Variants in FGF12 observed in about 807,000 individuals in gnomAD.
The protein encoded by FGF12 is fibroblast growth factor 12B.
A neutral mutation model predicts 23.6 loss-of-function variants in FGF12; 14 were observed. The ratio of observed to expected loss-of-function variants is 0.59; its 90% CI spans 0.39 to 0.93. The LOEUF is 0.93. Among genes scored for constraint, FGF12 ranks in the 40% least tolerant of loss-of-function variants. The pLI, the probability that FGF12 is intolerant of heterozygous loss-of-function variation, is 0.00. For synonymous variants in FGF12, 62 were observed against 77.3 expected (o/e 0.80, Z 1.04); for missense variants, 175 against 217.8 (o/e 0.80, Z 1.24).
intron 2 of FGF12, among the ~76,000 whole-genome samples, chr3:192,476,330 G>T (rs1723322977): frequency 6.6e-6 from 1 of 152,088 alleles, no homozygotes; most frequent in African/African-American, 2.4e-5. Context: ...AAAAAAAAAT[G>T]AAGCCCAGAG....
intron 2 of FGF12, among the ~76,000 whole-genome samples, chr3:192,675,116 G>C (rs892969496): frequency 9.2e-5 from 14 of 152,200 alleles, no homozygotes; most frequent in African/African-American, 3.4e-4. Context: ...CTTAGGGATA[G>C]AGTAAGTGGT....
At chr3:192,155,158 C>G (rs963929727) in intron 5 of FGF12, among the ~76,000 whole-genome samples, 6 of 151,932 alleles carry the variant, frequency 3.9e-5, no homozygotes, top group Non-Finnish European at 1.5e-5. Flanking sequence ...GGCAATGCCT[C>G]GCCCTGCTTC....
chr3:192,573,490 G>C (rs1402488370), intron 2 of FGF12, among the ~76,000 whole-genome samples: 1 of 152,090 alleles, frequency 6.6e-6, no homozygotes, highest in Non-Finnish European at 1.5e-5. Flanking sequence ...CCCTGATTAA[G>C]ACAGAAATTC....
At chr3:192,419,453 A>G (rs533028796) in intron 2 of FGF12, among the ~76,000 whole-genome samples, 5 of 152,216 alleles carry the variant, frequency 3.3e-5, no homozygotes, top group African/African-American at 7.2e-5. Context: ...GTAGAGGCAA[A>G]CTTGGATGCC....
chr3:192,256,976 C>T (rs887074515), intron 4 of FGF12, among the ~76,000 whole-genome samples: 1 of 152,142 alleles, frequency 6.6e-6, no homozygotes, highest in Non-Finnish European at 1.5e-5. Flanking sequence ...GAAAACCTCA[C>T]CCTTCAGTAA....
chr3:192,400,621 C>T (rs141455658), intron 2 of FGF12, among the ~76,000 whole-genome samples: 4 of 152,178 alleles, frequency 2.6e-5, no homozygotes, highest in African/African-American at 7.2e-5. Context: ...CCTGCCTCAG[C>T]CTTCCAAAAT....
intron 2 of FGF12, among the ~76,000 whole-genome samples, chr3:192,376,055 C>T (rs984652446): frequency 6.6e-6 from 1 of 152,054 alleles, no homozygotes. Context: ...TGGGGTTCTG[C>T]AAATTCTCTA....
intron 2 of FGF12, among the ~76,000 whole-genome samples, chr3:192,696,318 T>G (rs539277877): frequency 2.6e-4 from 39 of 152,226 alleles, no homozygotes; most frequent in Admixed American, 2.6e-3. Flanking sequence ...TCTGAGCAAG[T>G]GACTGATGCT....
At chr3:192,461,917 G>C (rs1722876190) in intron 2 of FGF12, among the ~76,000 whole-genome samples, 1 of 151,928 alleles carries the variant, frequency 6.6e-6, no homozygotes. Context: ...TTGAACCCGG[G>C]AGGTGGAGGT....
intron 2 of FGF12, among the ~76,000 whole-genome samples, chr3:192,481,709 C>A (rs1383417405): frequency 6.6e-6 from 1 of 152,136 alleles, no homozygotes; most frequent in East Asian, 1.9e-4. Flanking sequence ...AAATCTAGTT[C>A]TTGATGAAAG....
At position 192,142,416 on chromosome 3, in the gene FGF12, T is replaced by G. The variant is rs1230905935; in HGVS notation, c.*1593A>C. 1.3e-5 allele frequency: 2 copies of G among 152,522 alleles called. No individual in the cohort carries two copies. Among genetic ancestry groups the G allele is most frequent in the East Asian group, 1.9e-4 (1 of 5,198 alleles). 9.4% of individuals were successfully genotyped at this position (152,522 alleles called of 1,614,324 possible). Reference sequence around the variant, plus strand: ...AACAATACATGCTGGACAGTAGAGATATAGGAGAAGTTACATGCTATGTCT... The same window carrying G: ...AACAATACATGCTGGACAGTAGAGAGATAGGAGAAGTTACATGCTATGTCT... On this transcript the variant is annotated 3_prime_UTR_variant, in exon 6 of 6. Coordinates refer to ENST00000445105, the MANE Select transcript of FGF12 (RefSeq NM_004113.6).
intron 2 of FGF12, among the ~76,000 whole-genome samples, chr3:192,416,868 T>C (rs1160728413): frequency 6.6e-6 from 1 of 152,142 alleles, no homozygotes; most frequent in Non-Finnish European, 1.5e-5. Flanking sequence ...GACAGATAGA[T>C]ATAGATAGGT....
chr3:192,596,719 A>G (rs1240199610), intron 2 of FGF12, among the ~76,000 whole-genome samples: 1 of 152,218 alleles, frequency 6.6e-6, no homozygotes, highest in African/African-American at 2.4e-5. Flanking sequence ...AATTGGACCC[A>G]TAATACATTA....
chr3:192,619,370 G>T (rs1183064360), intron 2 of FGF12, among the ~76,000 whole-genome samples: 1 of 152,162 alleles, frequency 6.6e-6, no homozygotes, highest in East Asian at 1.9e-4. Context: ...GTGTGGGCAG[G>T]AACTGGGAAA....
intron 4 of FGF12, among the ~76,000 whole-genome samples, chr3:192,298,259 G>A (rs1054093402): frequency 6.6e-6 from 1 of 152,168 alleles, no homozygotes; most frequent in Non-Finnish European, 1.5e-5. Flanking sequence ...AATGTTATCT[G>A]TCCCTTGATC....
intron 4 of FGF12, among the ~76,000 whole-genome samples, chr3:192,328,380 G>A (rs1320310008): frequency 3.3e-5 from 5 of 152,180 alleles, no homozygotes; most frequent in Admixed American, 1.3e-4. Flanking sequence ...CGTAACAGAC[G>A]CCAATGACAT....
intron 2 of FGF12, among the ~76,000 whole-genome samples, chr3:192,668,786 AG>A (rs899670467): frequency 1.3e-5 from 2 of 152,210 alleles, no homozygotes; most frequent in African/African-American, 4.8e-5. Context: ...CACATGAAAA[AG>A]CTCAGCAATG....
chr3:192,218,638 G>A (rs1164994405), intron 4 of FGF12, among the ~76,000 whole-genome samples: 1 of 152,126 alleles, frequency 6.6e-6, no homozygotes, highest in African/African-American at 2.4e-5. Flanking sequence ...AAACTGTGAG[G>A]CAATTAAAGC....
chr3:192,154,669 G>A (rs1165636079), intron 5 of FGF12, among the ~76,000 whole-genome samples: 11 of 143,058 alleles, frequency 7.7e-5, no homozygotes, highest in East Asian at 2.0e-4. Context: ...TAGTCTGCCC[G>A]TTCTCAGATC....
Sources: gnomAD v4.1 joint callset for allele counts (sites outside exome capture counted in the v4.1 genomes callset) on GRCh38, gnomAD v4.1.1 for gene constraint, MANE v1.5 for transcripts, NCBI Gene and HGNC (gene_info 2026-07-23, HGNC 2026-07-21) for gene names.